Variants in KCNIP4 observed in about 807,000 individuals in gnomAD.
KCNIP4 encodes the protein Kv channel-interacting protein 4.
KCNIP4 carries 12 observed loss-of-function variants against 34.0 expected under a neutral mutation model. The observed-to-expected ratio is 0.35, with a 90% CI of 0.23 to 0.57. The LOEUF is 0.57. KCNIP4 is among the 20% of genes least tolerant of loss of function. KCNIP4 has a pLI of 0.83. For synonymous variants in KCNIP4, 124 were observed against 102.2 expected, an observed-to-expected ratio of 1.21 and a Z score of -1.29; for missense variants, 238 against 311.7, an observed-to-expected ratio of 0.76 and a Z score of 1.78.
At chr4:21,641,378 CA>C (rs1435642120) in intron 1 of KCNIP4, among the ~76,000 whole-genome samples, 1 of 152,220 alleles carries the variant, frequency 6.6e-6, no homozygotes, top group African/African-American at 2.4e-5. Flanking sequence ...TTTTCTAGCA[CA>C]TACCTGAAGG....
chr4:21,434,489 C>T lies in KCNIP4; in HGVS notation c.61+514082G>A, dbSNP rs535682577. Among the ~76,000 whole-genome samples, 16 of 152,158 alleles carry T rather than the reference C, an allele frequency of 1.1e-4. No individual in the cohort carries two copies. The South Asian group carries it at 3.1e-3, about 30-fold the overall frequency. ...ACATTTGAGTGCTGGGACTCTGGGA[C>T]CATATAGGACCCTCTCCCCACCCAG... On this transcript the variant is annotated intron_variant, in intron 1 of 8. Coordinates refer to ENST00000382152, the MANE Select transcript of KCNIP4 (RefSeq NM_025221.6).
chr4:20,988,660 T>C (rs1736809566), intron 1 of KCNIP4, among the ~76,000 whole-genome samples: 1 of 152,234 alleles, frequency 6.6e-6, no homozygotes, highest in African/African-American at 2.4e-5. Flanking sequence ...ACAATGTATA[T>C]AGAAACTAGT....
chr4:21,595,137 C>G (rs1742540645), intron 1 of KCNIP4, among the ~76,000 whole-genome samples: 1 of 152,102 alleles, frequency 6.6e-6, no homozygotes, highest in Non-Finnish European at 1.5e-5. Flanking sequence ...CTATCCCTAC[C>G]CTTGCACCCC....
At chr4:21,441,202 C>T (rs574493725) in intron 1 of KCNIP4, among the ~76,000 whole-genome samples, 90 of 149,408 alleles carry the variant, frequency 6.0e-4, no homozygotes, top group African/African-American at 2.0e-3. Context: ...AGTTCAGTGG[C>T]GTGATCTCGG....
At chr4:20,795,138 T>C (rs574874839) in intron 3 of KCNIP4, among the ~76,000 whole-genome samples, 12 of 152,276 alleles carry the variant, frequency 7.9e-5, no homozygotes, top group African/African-American at 2.4e-4. Context: ...TAACTGATAA[T>C]GTACACATGC....
intron 1 of KCNIP4, among the ~76,000 whole-genome samples, chr4:21,023,042 C>T (rs1237989370): frequency 3.3e-5 from 5 of 151,978 alleles, no homozygotes; most frequent in African/African-American, 7.3e-5. Flanking sequence ...AGGCTGGTCT[C>T]GAAGTCTTGA....
chr4:20,967,101 C>T (rs912904440), intron 1 of KCNIP4, among the ~76,000 whole-genome samples: 2 of 152,042 alleles, frequency 1.3e-5, no homozygotes, highest in African/African-American at 4.8e-5. Flanking sequence ...ATAAAAGGAC[C>T]CTGGGCAACT....
intron 1 of KCNIP4, among the ~76,000 whole-genome samples, chr4:21,717,337 C>G (rs777925479): frequency 2.6e-5 from 4 of 152,062 alleles, no homozygotes; most frequent in Non-Finnish European, 2.9e-5. Context: ...GATTTCAGCC[C>G]TAGTGACTCA....
chr4:21,281,588 G>A lies in KCNIP4; in HGVS notation c.62-398879C>T, dbSNP rs117823371. Among the ~76,000 whole-genome samples the A allele has an allele frequency of 2.1e-3, 324 of 152,288 alleles. 6 individuals carry two copies. The East Asian group carries it at 0.044, about 21-fold the overall frequency. On this transcript the variant is annotated intron_variant, in intron 1 of 8. Transcript: ENST00000382152. ...CAATAAATTGCAAAGTGATTAAGTG[G>A]TCTCTTTGCACTTAGGTACACACCT...
Position 21,683,446 on chromosome 4 carries a change from A to ATTTTTTTTTTTTTTTTTTTTTTTT in KCNIP4, c.61+265101_61+265124dup, listed in dbSNP as rs71191533. Among the ~76,000 whole-genome samples, 5 of 46,612 alleles carry ATTTTTTTTTTTTTTTTTTTTTTTT rather than the reference A, an allele frequency of 1.1e-4. 1 individual carries two copies. The highest frequency in any genetic ancestry group is 1.7e-4 in the Non-Finnish European group (4 of 24,002). The allele number at this position is 46,612 out of a possible 152,430, so 30.6% of individuals were successfully genotyped here. ...TACGACTAATGATTGGTGAAGCCAG[A>ATTTTTTTTTTTTTTTTTTTTTTTT]TTTTTTTTTTTTTTTTTTTTTTTTT... On this transcript the variant is annotated intron_variant, in intron 1 of 8. Coordinates refer to ENST00000382152, the MANE Select transcript of KCNIP4 (RefSeq NM_025221.6).
intron 1 of KCNIP4, among the ~76,000 whole-genome samples, chr4:21,673,700 G>T (rs571281564): frequency 6.4e-4 from 97 of 152,114 alleles, no homozygotes; most frequent in Non-Finnish European, 1.8e-4. Context: ...CTATACTACC[G>T]TACTATACAG....
At chr4:21,691,343 G>T (rs558257641) in intron 1 of KCNIP4, among the ~76,000 whole-genome samples, 238 of 152,172 alleles carry the variant, frequency 1.6e-3, no homozygotes, top group African/African-American at 5.2e-3. Flanking sequence ...CCACCACTCT[G>T]TCTGGAAGCT....
intron 4 of KCNIP4, among the ~76,000 whole-genome samples, chr4:20,758,353 A>G (rs1303048944): frequency 6.6e-6 from 1 of 152,172 alleles, no homozygotes; most frequent in Non-Finnish European, 1.5e-5. Context: ...AGGCTGCAGA[A>G]AATCTAGGTT....
At chr4:21,856,643 C>G (rs11944786) in intron 1 of KCNIP4, among the ~76,000 whole-genome samples, 54,428 of 151,970 alleles carry the variant, frequency 0.36, 11,450 homozygotes, top group Non-Finnish European at 0.49. Flanking sequence ...CCCACCTTCC[C>G]GGGCACACCT....
chr4:20,857,347 G>A (rs1037657727), intron 2 of KCNIP4, among the ~76,000 whole-genome samples: 2 of 152,150 alleles, frequency 1.3e-5, no homozygotes, highest in South Asian at 2.1e-4. Context: ...GTAAGAGCCT[G>A]TATTTTGGGT....
intron 1 of KCNIP4, among the ~76,000 whole-genome samples, chr4:21,019,266 C>T (rs1452874291): frequency 6.6e-6 from 1 of 151,966 alleles, no homozygotes; most frequent in Non-Finnish European, 1.5e-5. Flanking sequence ...AGCAATTCCC[C>T]TGTCTCAACT....
At chr4:21,464,215 T>C (rs1729720418) in intron 1 of KCNIP4, among the ~76,000 whole-genome samples, 1 of 151,976 alleles carries the variant, frequency 6.6e-6, no homozygotes, top group African/African-American at 2.4e-5. Flanking sequence ...ATTTCTGTTC[T>C]AATATTTACT....
chr4:21,131,815 G>C (rs886140270), intron 1 of KCNIP4, among the ~76,000 whole-genome samples: 1 of 152,146 alleles, frequency 6.6e-6, no homozygotes, highest in African/African-American at 2.4e-5. Flanking sequence ...TCCATGAAAA[G>C]TTAATACTTT....
At chr4:21,435,428 T>C (rs1726864499) in intron 1 of KCNIP4, among the ~76,000 whole-genome samples, 1 of 152,186 alleles carries the variant, frequency 6.6e-6, no homozygotes. Flanking sequence ...GCAAGATCAA[T>C]CCATGTTTTG....
Sources: allele counts gnomAD v4.1 joint callset (sites outside exome capture counted in the v4.1 genomes callset), GRCh38; gene constraint gnomAD v4.1.1; transcripts MANE v1.5; gene names NCBI Gene and HGNC (gene_info 2026-07-23, HGNC 2026-07-21).